The following TAF1 variants were observed in gnomAD, a reference collection of about 807,000 sequenced individuals.
The protein encoded by TAF1 is TATA-box binding protein associated factor 1.
In TAF1, 2 loss-of-function variants were observed where a neutral mutation model predicts 138.5. The observed-to-expected ratio is 0.01, with a 90% confidence interval of 0.01 to 0.05. The LOEUF is 0.05. Among genes scored for constraint, TAF1 ranks in the 10% least tolerant of loss-of-function variants. The pLI is 1.00. For synonymous variants in TAF1, 437 were observed against 503.2 expected, an observed-to-expected ratio of 0.87 and a Z score of 1.76; for missense variants, 709 against 1,478.0, an observed-to-expected ratio of 0.48 and a Z score of 8.53.
intron 22 of TAF1, among the ~76,000 whole-genome samples, chrX:71,396,798 CA>C (rs2034877764): frequency 1.8e-5 from 2 of 109,947 alleles, no homozygotes; most frequent in South Asian, 7.7e-4. Flanking sequence ...GTTGGGAGGC[CA>C]AGGCTGGCCT....
At chrX:71,442,309 A>T in intron 32 of TAF1, among the ~76,000 whole-genome samples, 1 of 112,169 alleles carries the variant, frequency 8.9e-6, no homozygotes, top group East Asian at 2.8e-4. Context: ...CTATTTCTCC[A>T]CATCCTTTCC....
At chrX:71,419,126 C>T (rs746856200) in intron 28 of TAF1, among the ~76,000 whole-genome samples, 39 of 111,566 alleles carry the variant, frequency 3.5e-4, no homozygotes, top group Non-Finnish European at 7.0e-4. Flanking sequence ...CACCACAAAC[C>T]GTAAATTCTA....
At chrX:71,453,082 CGGGAGAGAGAGAGGGAGAGGA>C (rs2148804642) in intron 32 of TAF1, among the ~76,000 whole-genome samples, 1 of 108,701 alleles carries the variant, frequency 9.2e-6, no homozygotes, top group African/African-American at 3.4e-5. Context: ...CGTGGGGAGA[CGGGAGAGAGAGAGGGAGAGGA>C]GGGAGAGGGA....
Position 71,465,598 on chromosome X carries a change from GTA to G in TAF1, c.*1556_*1557del, listed in dbSNP as rs777544967. ...GATGAGACTGAAAGATGGGCAGGAA[GTA>G]TATCATCACAAGCTTTGTGTTTGAT... On this transcript the variant is annotated 3_prime_UTR_variant, in exon 38 of 38. Transcript: ENST00000423759. 2 of 111,955 alleles carry G rather than the reference GTA, an allele frequency of 1.8e-5. No homozygotes were observed. Among genetic ancestry groups the G allele is most frequent in the Non-Finnish European group, 3.8e-5 (2 of 53,285 alleles). 9.2% of individuals were successfully genotyped at this position (111,955 alleles called of 1,213,427 possible).
At chrX:71,423,389 T>C (rs759494479) in intron 30 of TAF1, 150 bp downstream of exon 30, 70 of 845,749 alleles carry the variant, frequency 8.3e-5, no homozygotes, top group Non-Finnish European at 1.1e-4. Flanking sequence ...ACCTTTTTGC[T>C]ATATGGGTAC....
At chrX:71,384,219 T>C (rs2034073412) in intron 13 of TAF1, 84 bp downstream of exon 13, 4 of 1,065,600 alleles carry the variant, frequency 3.8e-6, no homozygotes, top group East Asian at 6.2e-5. Flanking sequence ...CTTTTTGTTA[T>C]TAACATAGCT....
downstream of TAF1, among the ~76,000 whole-genome samples, chrX:71,468,154 G>A (rs769341972): frequency 8.2e-5 from 9 of 110,138 alleles, no homozygotes; most frequent in Non-Finnish European, 1.3e-4. Flanking sequence ...CTACTTAGGA[G>A]GCTGAGGTGG....
At chrX:71,422,678 A>G (rs2036410488) in intron 29 of TAF1, among the ~76,000 whole-genome samples, 1 of 110,555 alleles carries the variant, frequency 9.0e-6, no homozygotes, top group Admixed American at 9.7e-5. Flanking sequence ...TCAAAGTTAC[A>G]CTTTCTGGGG....
intron 34 of TAF1, among the ~76,000 whole-genome samples, chrX:71,457,387 G>A (rs747511328): frequency 8.9e-6 from 1 of 112,489 alleles, no homozygotes; most frequent in Non-Finnish European, 1.9e-5. Flanking sequence ...TATCTGTAGC[G>A]TATGTATTTG....
chrX:71,421,477 C>T (rs1439728581), intron 29 of TAF1, 101 bp downstream of exon 29: 7 of 681,199 alleles, frequency 1.0e-5, no homozygotes, highest in East Asian at 3.6e-5. Flanking sequence ...AAAATATATG[C>T]GGGAGTAGCA....
chrX:71,471,688 T>C (rs1172473270), intron 13 of TAF1, among the ~76,000 whole-genome samples: 9 of 110,994 alleles, frequency 8.1e-5, no homozygotes, highest in Admixed American at 1.9e-4. Context: ...CAGAGATTTA[T>C]TGAAAACGAA....
At chrX:71,433,762 AT>A (rs200950142) in intron 32 of TAF1, among the ~76,000 whole-genome samples, 83 of 105,615 alleles carry the variant, frequency 7.9e-4, no homozygotes, top group African/African-American at 2.2e-3. Context: ...AGTAGGAGAG[AT>A]TTTTTTTTTT....
At chrX:71,467,170 G>T (rs1200096672), downstream of TAF1, among the ~76,000 whole-genome samples, 1 of 105,098 alleles carries the variant, frequency 9.5e-6, no homozygotes, top group Admixed American at 1.1e-4. Flanking sequence ...TAGGATAATA[G>T]TGGAGAGAAG....
At chrX:71,481,362 A>G (rs1349166179) in intron 13 of TAF1, among the ~76,000 whole-genome samples, 1 of 112,489 alleles carries the variant, frequency 8.9e-6, no homozygotes, top group Non-Finnish European at 1.9e-5. Context: ...TGTACAAATC[A>G]TGAAGGCATT....
intron 32 of TAF1, among the ~76,000 whole-genome samples, chrX:71,449,226 G>A (rs2037843739): frequency 1.8e-5 from 2 of 110,855 alleles, no homozygotes; most frequent in Admixed American, 9.6e-5. Context: ...TCCCAATCAG[G>A]TGATCCGTCC....
At chrX:71,455,979 G>A (rs751488745) in intron 34 of TAF1, among the ~76,000 whole-genome samples, 1 of 111,717 alleles carries the variant, frequency 9.0e-6, no homozygotes, top group East Asian at 2.8e-4. Context: ...AGAACCCTCA[G>A]ATACTTCTTC....
chrX:71,432,716 C>T (rs950750234), intron 32 of TAF1, among the ~76,000 whole-genome samples: 1 of 111,395 alleles, frequency 9.0e-6, no homozygotes, highest in African/African-American at 3.3e-5. Context: ...TCTTTAGTGA[C>T]GCTTTATTGC....
At chrX:71,466,992 A>G (rs2038773325), downstream of TAF1, among the ~76,000 whole-genome samples, 1 of 108,482 alleles carries the variant, frequency 9.2e-6, no homozygotes, top group Admixed American at 9.9e-5. Flanking sequence ...CGAAGTAGGA[A>G]CAAGAATGCT....
intron 34 of TAF1, among the ~76,000 whole-genome samples, chrX:71,458,038 G>A (rs941603691): frequency 8.0e-5 from 9 of 112,651 alleles, no homozygotes; most frequent in Non-Finnish European, 1.7e-4. Context: ...TTCTGATTAC[G>A]TGCATCAGGC....
Sources: allele counts gnomAD v4.1 joint callset (sites outside exome capture counted in the v4.1 genomes callset), GRCh38; gene constraint gnomAD v4.1.1; transcripts MANE v1.5; gene names NCBI Gene and HGNC (gene_info 2026-07-23, HGNC 2026-07-21).